The following BMPR1B variants were observed in gnomAD, a reference collection of about 807,000 sequenced individuals.
The protein encoded by BMPR1B is bone morphogenetic protein receptor type 1B.
In BMPR1B, 12 loss-of-function variants were observed where a neutral mutation model predicts 59.1. That is an observed-to-expected ratio of 0.20 (90% CI 0.13 to 0.33). BMPR1B has a LOEUF of 0.33. BMPR1B is among the 10% of genes least tolerant of loss of function. The pLI is 1.00. For synonymous variants in BMPR1B, 237 were observed against 207.3 expected (o/e 1.14, Z -1.23); for missense variants, 550 against 610.9 (o/e 0.90, Z 1.05).
chr4:94,973,840 T>C (rs1730906784), intron 2 of BMPR1B, among the ~76,000 whole-genome samples: 1 of 152,198 alleles, frequency 6.6e-6, no homozygotes, highest in East Asian at 1.9e-4. Context: ...GATTACTCTT[T>C]GATTATGCAG....
At chr4:95,124,637 C>A (rs1732773044) in intron 7 of BMPR1B, among the ~76,000 whole-genome samples, 1 of 151,502 alleles carries the variant, frequency 6.6e-6, no homozygotes, top group Non-Finnish European at 1.5e-5. Flanking sequence ...TAATTAGGGA[C>A]CTTAGAAAAG....
intron 2 of BMPR1B, among the ~76,000 whole-genome samples, chr4:94,962,074 TCCTTCCTTCCTTC>T (rs1560569130): frequency 3.1e-5 from 1 of 32,364 alleles, no homozygotes; most frequent in Non-Finnish European, 7.3e-5. Context: ...TTCTTTTCTT[TCCTTCCTTCCTTC>T]CTTCCTTCCT....
At chr4:94,985,593 T>C (rs908368166) in intron 2 of BMPR1B, among the ~76,000 whole-genome samples, 9 of 151,542 alleles carry the variant, frequency 5.9e-5, no homozygotes, top group African/African-American at 2.2e-4. Context: ...ATGCCCTAAA[T>C]TGGAAGACTT....
rs557549766 is a variant in BMPR1B, at chr4:94,967,162, A to T, written c.-112-28878A>T. 7.2e-5 allele frequency among the ~76,000 whole-genome samples: 11 copies of T among 152,314 alleles called. No homozygotes were observed. In the East Asian group the frequency reaches 2.1e-3, roughly 29 times the overall value. ...AAAAATAAAACTATGGAATTAAGGG[A>T]TAGTTTCCTCACATATTTTTATATA... On this transcript the variant is annotated intron_variant, in intron 2 of 12. Transcript: ENST00000515059.
chr4:94,946,148 G>T (rs1729701713), intron 2 of BMPR1B, among the ~76,000 whole-genome samples: 1 of 152,070 alleles, frequency 6.6e-6, no homozygotes, highest in Non-Finnish European at 1.5e-5. Context: ...AGTGAGTACT[G>T]CCATGGAATG....
At chr4:94,834,945 T>C (rs961813446) in intron 1 of BMPR1B, among the ~76,000 whole-genome samples, 2 of 148,046 alleles carry the variant, frequency 1.4e-5, no homozygotes, top group African/African-American at 5.0e-5. Context: ...TTTCTTTGTT[T>C]TTTTTTTTTT....
intron 3 of BMPR1B, among the ~76,000 whole-genome samples, chr4:95,076,782 G>A (rs1050992969): frequency 6.6e-6 from 1 of 151,882 alleles, no homozygotes; most frequent in Non-Finnish European, 1.5e-5. Context: ...CTGTGGAAAC[G>A]TTAAAAAAGA....
intron 1 of BMPR1B, among the ~76,000 whole-genome samples, chr4:94,867,066 T>C (rs1726275700): frequency 1.3e-5 from 2 of 152,120 alleles, no homozygotes; most frequent in African/African-American, 4.8e-5. Flanking sequence ...TCACTTATCT[T>C]CTCTTATTTA....
At chr4:95,022,465 A>T (rs1044156983) in intron 3 of BMPR1B, among the ~76,000 whole-genome samples, 3 of 152,124 alleles carry the variant, frequency 2.0e-5, no homozygotes, top group Admixed American at 1.3e-4. Flanking sequence ...ATCATTTGGC[A>T]TGGTCAGCTT....
chr4:95,100,716 A>G (rs1730758141), intron 3 of BMPR1B, among the ~76,000 whole-genome samples: 1 of 151,962 alleles, frequency 6.6e-6, no homozygotes. Flanking sequence ...TTACTTTTCC[A>G]TCTTTGTATT....
At chr4:94,870,676 T>C (rs1367863982) in intron 1 of BMPR1B, among the ~76,000 whole-genome samples, 1 of 152,316 alleles carries the variant, frequency 6.6e-6, no homozygotes, top group East Asian at 1.9e-4. Flanking sequence ...TTGGTTGTGA[T>C]GGGTTTACAT....
chr4:94,957,421 G>T (rs1730187850), intron 2 of BMPR1B, among the ~76,000 whole-genome samples: 1 of 82,606 alleles, frequency 1.2e-5, no homozygotes, highest in Admixed American at 1.5e-4. Context: ...TTTTCTTTTT[G>T]TCTTTTCATT....
chr4:94,903,515 T>TA (rs1727911931), intron 2 of BMPR1B, among the ~76,000 whole-genome samples: 1 of 140,080 alleles, frequency 7.1e-6, no homozygotes, highest in Non-Finnish European at 1.6e-5. Context: ...TATTACTTAC[T>TA]TTTTTTTTTT....
At chr4:94,860,422 T>C (rs1384606726) in intron 1 of BMPR1B, among the ~76,000 whole-genome samples, 1 of 152,152 alleles carries the variant, frequency 6.6e-6, no homozygotes, top group Non-Finnish European at 1.5e-5. Flanking sequence ...TTCTTGATGA[T>C]AAGGATTGCT....
intron 1 of BMPR1B, among the ~76,000 whole-genome samples, chr4:94,858,620 C>CT (rs140159164): frequency 0.029 from 4,431 of 152,210 alleles, 114 homozygotes; most frequent in Non-Finnish European, 0.041. Context: ...TATCTTGAGT[C>CT]TAAGAAGAGT....
chr4:94,982,830 A>C (rs1232934466), intron 2 of BMPR1B, among the ~76,000 whole-genome samples: 1 of 152,034 alleles, frequency 6.6e-6, no homozygotes, highest in Non-Finnish European at 1.5e-5. Context: ...TAAAAAATAC[A>C]AAAAATTAGC....
intron 2 of BMPR1B, among the ~76,000 whole-genome samples, chr4:94,899,626 A>G (rs148793393): frequency 1.3e-5 from 2 of 151,842 alleles, no homozygotes; most frequent in African/African-American, 4.8e-5. Context: ...TAAATGTGGT[A>G]TATTTCTATT....
intron 12 of BMPR1B, among the ~76,000 whole-genome samples, chr4:95,153,467 T>C (rs771790782): frequency 2.0e-5 from 3 of 151,580 alleles, no homozygotes; most frequent in Non-Finnish European, 4.4e-5. Context: ...GAAGCACCAC[T>C]GGAAAAAAAA....
chr4:95,030,244 T>G (rs2149154207), intron 3 of BMPR1B, among the ~76,000 whole-genome samples: 1 of 152,320 alleles, frequency 6.6e-6, no homozygotes, highest in Non-Finnish European at 1.5e-5. Context: ...GTTTTTATGG[T>G]TTTAGGTCTA....
Sources: allele counts gnomAD v4.1 joint callset (sites outside exome capture counted in the v4.1 genomes callset), GRCh38; gene constraint gnomAD v4.1.1; transcripts MANE v1.5; gene names NCBI Gene and HGNC (gene_info 2026-07-23, HGNC 2026-07-21).